ATP2C2: variants seen among roughly 807,000 people sequenced by gnomAD.
ATP2C2 encodes calcium-transporting ATPase type 2C member 2.
A neutral mutation model predicts 110.8 loss-of-function variants in ATP2C2; 171 were observed. The observed-to-expected ratio is 1.54, with a 90% CI of 1.36 to 1.75. The LOEUF is 1.75. Ranked by LOEUF, ATP2C2 falls within the 40% of genes most tolerant of loss-of-function variation. The pLI, the probability that ATP2C2 is intolerant of heterozygous loss-of-function variation, is 0.00. For synonymous variants in ATP2C2, 804 were observed against 508.4 expected (o/e 1.58, Z -7.82); for missense variants, 1,963 against 1,235.0 (o/e 1.59, Z -8.84).
Position 84,415,565 on chromosome 16 carries a change from A to T in ATP2C2, c.598A>T (p.Ile200Phe), listed in dbSNP as rs746929974. The change falls in exon 7 of 27, where the codon ATC (isoleucine) becomes TTC (phenylalanine). Residue 200 changes from isoleucine to phenylalanine, a missense_variant. Transcript: ENST00000262429. ...DVVSLSIGDR[I>F]PADIRLTEVT... Reference sequence around the variant, plus strand: ...CGTATCTCTCTCGATCGGAGACCGGATCCCTGCAGACATCCGACTCACTGA... The same window carrying T: ...CGTATCTCTCTCGATCGGAGACCGGTTCCCTGCAGACATCCGACTCACTGA... 12 of 1,613,884 alleles carry T rather than the reference A, an allele frequency of 7.4e-6. No homozygotes were observed. The highest frequency in any genetic ancestry group is 1.3e-5 in the African/African-American group (1 of 74,908).
intron 3 of ATP2C2, among the ~76,000 whole-genome samples, chr16:84,407,695 C>A (rs1195368941): frequency 6.6e-6 from 1 of 152,094 alleles, no homozygotes. Flanking sequence ...TGGACTGAAA[C>A]TCCTGGGCTC....
At chr16:84,426,081 A>T in intron 11 of ATP2C2, 1 of 424,092 alleles carries the variant, frequency 2.4e-6, no homozygotes, top group East Asian at 4.1e-5. Context: ...GAGGCTTGGT[A>T]ATTTATTAAG....
chr16:84,450,488 G>T (rs952826314), intron 17 of ATP2C2, among the ~76,000 whole-genome samples: 3 of 152,174 alleles, frequency 2.0e-5, no homozygotes, highest in African/African-American at 7.2e-5. Flanking sequence ...ACGGAGGCAG[G>T]AGTATCCTCT....
intron 3 of ATP2C2, chr16:84,406,521 A>G (rs777822824): frequency 2.2e-5 from 20 of 917,830 alleles, no homozygotes; most frequent in East Asian, 1.2e-4. Flanking sequence ...TCCGGAACCA[A>G]TCACAGTCCC....
chr16:84,373,423 G>A (rs1910073112), intron 1 of ATP2C2, among the ~76,000 whole-genome samples: 1 of 151,940 alleles, frequency 6.6e-6, no homozygotes, highest in South Asian at 2.1e-4. Flanking sequence ...ACGCTTGAAT[G>A]CAGGAGGTGG....
chr16:84,445,983 G>T lies in ATP2C2; in HGVS notation c.1402-346G>T, dbSNP rs188703224. On this transcript the variant is annotated intron_variant, in intron 15 of 26. Coordinates refer to ENST00000262429, the MANE Select transcript of ATP2C2 (RefSeq NM_014861.4). ...CTGGCAAGGACCCCATGTTCTGGAC[G>T]CAGGGCTGTCTCACTGACTCAGGGG... Among the ~76,000 whole-genome samples, 593 of 152,312 alleles carry T rather than the reference G, an allele frequency of 3.9e-3. 2 individuals carry two copies. Among genetic ancestry groups the T allele is most frequent in the Middle Eastern group, 0.01 (3 of 294 alleles).
chr16:84,414,957 C>T (rs1906702716), intron 6 of ATP2C2, among the ~76,000 whole-genome samples: 1 of 152,086 alleles, frequency 6.6e-6, no homozygotes, highest in Admixed American at 6.6e-5. Context: ...TCAGAGTCAG[C>T]TGGGACGGGC....
At position 84,412,104 on chromosome 16, in the gene ATP2C2, C is replaced by G. The variant is rs564459446; in HGVS notation, c.515+1339C>G. 5.9e-5 allele frequency among the ~76,000 whole-genome samples: 9 copies of G among 152,178 alleles called. No individual in the cohort carries two copies. In the East Asian group the frequency reaches 1.7e-3, roughly 29 times the overall value. On this transcript the variant is annotated intron_variant, in intron 6 of 26. Transcript: ENST00000262429. ...GGCTCACTGCAACCTGTGCCTGCCT[C>G]CAGGGCTCAAGTGATCCTCCTGCCT...
chr16:84,458,762 C>G (rs1265164774), intron 21 of ATP2C2, among the ~76,000 whole-genome samples: 2 of 152,202 alleles, frequency 1.3e-5, no homozygotes, highest in African/African-American at 2.4e-5. Flanking sequence ...CTGCGTCTCT[C>G]TCTCCTCTTT....
At chr16:84,406,560 C>A (rs1438027929) in intron 3 of ATP2C2, 1 of 983,936 alleles carries the variant, frequency 1.0e-6, no homozygotes, top group African/African-American at 1.7e-5. Flanking sequence ...CTCCACTCTC[C>A]TTGAGGTCCC....
intron 3 of ATP2C2, among the ~76,000 whole-genome samples, chr16:84,407,015 G>A (rs936465559): frequency 3.9e-5 from 6 of 152,182 alleles, no homozygotes; most frequent in Admixed American, 2.6e-4. Context: ...ATAGCTTGTC[G>A]GTTCAGCAAT....
chr16:84,439,104 C>T, intron 11 of ATP2C2, 62 bp from the exon 12 acceptor site: 3 of 1,595,242 alleles, frequency 1.9e-6, no homozygotes, highest in East Asian at 2.2e-5. Flanking sequence ...TTGCCAGCCC[C>T]AGCTGAGAGT....
At chr16:84,409,092 C>A (rs1236625650) in intron 4 of ATP2C2, among the ~76,000 whole-genome samples, 1 of 152,300 alleles carries the variant, frequency 6.6e-6, no homozygotes, top group African/African-American at 2.4e-5. Context: ...GGTTGAATGA[C>A]CTATTCTGGA....
rs3085209 is a variant in ATP2C2, at chr16:84,455,070, A to AGGGG, written c.2147+91_2147+94dup. On this transcript the variant is annotated intron_variant, in intron 21 of 26. Coordinates refer to ENST00000262429, the MANE Select transcript of ATP2C2 (RefSeq NM_014861.4). ...CTGGAACCTGCTACTGTGGAGATAGAGGGGGGGGTCTCGCGGAGTCCCCAG... is the reference window on the plus strand; with the variant it reads ...CTGGAACCTGCTACTGTGGAGATAGAGGGGGGGGGGGGTCTCGCGGAGTCCCCAG... The AGGGG allele has an allele frequency of 7.6e-4, 906 of 1,198,860 alleles. 1 individual carries two copies. Among genetic ancestry groups the AGGGG allele is most frequent in the South Asian group, 1.7e-3 (121 of 71,988 alleles). The allele number at this position is 1,198,860 out of a possible 1,614,324, so 74.3% of individuals were successfully genotyped here.
chr16:84,419,107 A>T (rs927428578), intron 7 of ATP2C2, among the ~76,000 whole-genome samples: 21 of 149,400 alleles, frequency 1.4e-4, no homozygotes, highest in Middle Eastern at 3.4e-3. Context: ...TACTCAGGAG[A>T]CTGAGGCAGG....
At position 84,453,161 on chromosome 16, in the gene ATP2C2, G is replaced by C. The variant is rs777542221; in HGVS notation, c.1855G>C (p.Gly619Arg). The change falls in exon 19 of 27, where the codon GGG (glycine) becomes CGG (arginine). Residue 619 changes from glycine to arginine, a missense_variant. Gly to Arg is a moderately radical substitution (Grantham distance 125). Coordinates refer to ENST00000262429, the MANE Select transcript of ATP2C2 (RefSeq NM_014861.4). ...AGGAAGAAACATCGGCCTGTGCAACGGGAAGCTGCAAGCCATGTCCGGGGA... is the reference window on the plus strand; with the variant it reads ...AGGAAGAAACATCGGCCTGTGCAACCGGAAGCTGCAAGCCATGTCCGGGGA... ...AIGRNIGLCN[G>R]KLQAMSGEEV... 5.6e-6 allele frequency: 9 copies of C among 1,613,478 alleles called. No individual in the cohort carries two copies. The highest frequency in any genetic ancestry group is 3.3e-4 in the Middle Eastern group (2 of 6,062).
chr16:84,439,337 G>A (rs1280291397), intron 12 of ATP2C2, 47 bp downstream of exon 12: 2 of 1,613,496 alleles, frequency 1.2e-6, no homozygotes, highest in African/African-American at 1.3e-5. Flanking sequence ...AATTGAATGG[G>A]GGCTTGGCTG....
chr16:84,463,513 C>T (rs1252568089), intron 26 of ATP2C2, 101 bp from the exon 27 acceptor site: 3 of 975,892 alleles, frequency 3.1e-6, no homozygotes, highest in South Asian at 1.3e-5. Flanking sequence ...TGGTCCTCCG[C>T]ACCTCTCACT....
intron 11 of ATP2C2, among the ~76,000 whole-genome samples, chr16:84,435,624 A>G (rs1169941140): frequency 6.6e-6 from 1 of 152,174 alleles, no homozygotes; most frequent in South Asian, 2.1e-4. Context: ...CCAGAAGTTC[A>G]AGACCAGCCT....
Sources: gnomAD v4.1 joint callset for allele counts (sites outside exome capture counted in the v4.1 genomes callset) on GRCh38, gnomAD v4.1.1 for gene constraint, MANE v1.5 for transcripts, NCBI Gene and HGNC (gene_info 2026-07-23, HGNC 2026-07-21) for gene names.